NELL1: variants seen among roughly 807,000 people sequenced by gnomAD.
NELL1 encodes protein kinase C-binding protein NELL1.
NELL1 carries 76 observed loss-of-function variants against 107.4 expected under a neutral mutation model. The observed-to-expected ratio is 0.71, with a 90% CI of 0.59 to 0.86. The LOEUF is 0.86. NELL1 is among the 40% of genes least tolerant of loss of function. The pLI is 0.00. For missense variants in NELL1, 1,024 were observed against 1,005.5 expected (o/e 1.02, Z -0.25); for synonymous variants, 353 against 341.2 (o/e 1.03, Z -0.38).
intron 2 of NELL1, among the ~76,000 whole-genome samples, chr11:20,710,213 G>A (rs1199830241): frequency 1.3e-5 from 2 of 152,158 alleles, no homozygotes; most frequent in African/African-American, 2.4e-5. Flanking sequence ...TTATTACCTT[G>A]AGGTATGTCC....
intron 15 of NELL1, among the ~76,000 whole-genome samples, chr11:21,378,393 AG>A (rs1851530915): frequency 6.6e-6 from 1 of 151,816 alleles, no homozygotes; most frequent in Non-Finnish European, 1.5e-5. Context: ...AGAAGTACTT[AG>A]GGTTTACTGT....
At chr11:21,427,070 G>A (rs984108658) in intron 15 of NELL1, among the ~76,000 whole-genome samples, 1 of 152,174 alleles carries the variant, frequency 6.6e-6, no homozygotes, top group Non-Finnish European at 1.5e-5. Context: ...GCCTGGAGAT[G>A]CTGCTGGGCA....
At chr11:21,186,928 A>G (rs1426920356) in intron 13 of NELL1, among the ~76,000 whole-genome samples, 1 of 151,842 alleles carries the variant, frequency 6.6e-6, no homozygotes, top group Non-Finnish European at 1.5e-5. Flanking sequence ...TTTGGTTGTC[A>G]ATTCTAGTTT....
chr11:20,858,300 C>G (rs1330973768), intron 4 of NELL1, among the ~76,000 whole-genome samples: 14 of 152,156 alleles, frequency 9.2e-5, no homozygotes, highest in African/African-American at 3.4e-4. Flanking sequence ...TAGGTCTAGC[C>G]AGAGCACTGC....
intron 15 of NELL1, among the ~76,000 whole-genome samples, chr11:21,393,581 G>A (rs10500907): frequency 0.32 from 48,750 of 151,422 alleles, 8,049 homozygotes; most frequent in South Asian, 0.36. Flanking sequence ...GTGCCTAATA[G>A]TCAAAAAACA....
intron 12 of NELL1, among the ~76,000 whole-genome samples, chr11:21,093,470 C>T (rs1423933424): frequency 1.3e-5 from 2 of 152,132 alleles, no homozygotes; most frequent in Admixed American, 6.5e-5. Context: ...CATACACTGC[C>T]AGGTTCGTCA....
chr11:21,409,799 G>A (rs1046072325), intron 15 of NELL1, among the ~76,000 whole-genome samples: 9 of 151,494 alleles, frequency 5.9e-5, no homozygotes, highest in East Asian at 2.0e-4. Context: ...GCAATCTGTC[G>A]CCTTCTTACA....
At chr11:21,538,293 C>T (rs1335337842) in intron 16 of NELL1, among the ~76,000 whole-genome samples, 12 of 152,044 alleles carry the variant, frequency 7.9e-5, no homozygotes, top group Non-Finnish European at 1.6e-4. Flanking sequence ...TGATTTTATC[C>T]ATTATTGTAA....
intron 14 of NELL1, among the ~76,000 whole-genome samples, chr11:21,313,505 T>A (rs1849794844): frequency 6.6e-6 from 1 of 152,122 alleles, no homozygotes; most frequent in South Asian, 2.1e-4. Context: ...CTTTCCAAGG[T>A]TTAAATCCCC....
intron 2 of NELL1, among the ~76,000 whole-genome samples, chr11:20,740,171 T>G (rs2133932850): frequency 6.6e-6 from 1 of 152,316 alleles, no homozygotes; most frequent in Non-Finnish European, 1.5e-5. Flanking sequence ...CCCTGAGATG[T>G]ACACTATTAC....
intron 4 of NELL1, among the ~76,000 whole-genome samples, chr11:20,876,050 C>T (rs2134094093): frequency 6.6e-6 from 1 of 152,326 alleles, no homozygotes; most frequent in East Asian, 1.9e-4. Flanking sequence ...TCTGACTTCT[C>T]ATTTATCACA....
intron 12 of NELL1, among the ~76,000 whole-genome samples, chr11:21,094,808 C>G (rs574616782): frequency 6.6e-6 from 1 of 152,170 alleles, no homozygotes; most frequent in African/African-American, 2.4e-5. Context: ...GCCCACAAAA[C>G]CATTTTCTTC....
chr11:21,523,993 A>C (rs550974355), intron 15 of NELL1, among the ~76,000 whole-genome samples: 2 of 152,122 alleles, frequency 1.3e-5, no homozygotes, highest in African/African-American at 4.8e-5. Flanking sequence ...CCCTGCTACT[A>C]TACCTTGGTT....
chr11:21,186,439 A>T (rs113056517), intron 13 of NELL1, among the ~76,000 whole-genome samples: 2,136 of 151,946 alleles, frequency 0.014, 101 homozygotes, highest in African/African-American at 0.048. Context: ...ATTAGTTCTC[A>T]GTCTTTATAT....
At chr11:21,115,915 GT>G (rs897454460) in intron 13 of NELL1, among the ~76,000 whole-genome samples, 13 of 151,246 alleles carry the variant, frequency 8.6e-5, no homozygotes, top group Non-Finnish European at 1.2e-4. Flanking sequence ...AATAGGTGAG[GT>G]TTTTTTTTCT....
At chr11:21,495,706 G>A (rs966502754) in intron 15 of NELL1, among the ~76,000 whole-genome samples, 1 of 151,942 alleles carries the variant, frequency 6.6e-6, no homozygotes, top group Admixed American at 6.6e-5. Flanking sequence ...TTGTCCTGGT[G>A]GGTATGCTGT....
At chr11:20,797,691 T>C (rs1857200720) in intron 3 of NELL1, among the ~76,000 whole-genome samples, 1 of 152,094 alleles carries the variant, frequency 6.6e-6, no homozygotes, top group Non-Finnish European at 1.5e-5. Context: ...AAGTTAATTC[T>C]GGAGTAGACT....
chr11:21,068,032 C>CAAAAAAAAAAAAA (rs1195285619), intron 12 of NELL1, among the ~76,000 whole-genome samples: 14 of 40,386 alleles, frequency 3.5e-4, no homozygotes, highest in Admixed American at 4.7e-4. Flanking sequence ...GATGCCATCT[C>CAAAAAAAAAAAAA]AAAAAAAAAA....
intron 2 of NELL1, among the ~76,000 whole-genome samples, chr11:20,736,876 T>C (rs1010365700): frequency 2.6e-5 from 4 of 151,828 alleles, no homozygotes; most frequent in African/African-American, 9.7e-5. Context: ...TGCCTCAGCC[T>C]CCCGAGTAGC....
Sources: allele counts gnomAD v4.1 joint callset (sites outside exome capture counted in the v4.1 genomes callset), GRCh38; gene constraint gnomAD v4.1.1; transcripts MANE v1.5; gene names NCBI Gene and HGNC (gene_info 2026-07-23, HGNC 2026-07-21).